BMP8B: variants seen among roughly 807,000 people sequenced by gnomAD.
BMP8B encodes the protein bone morphogenetic protein 8 (osteogenic protein 2).
Under a neutral mutation model 30.3 loss-of-function variants are expected in BMP8B, and 17 were observed. The observed-to-expected ratio is 0.56, with a 90% CI of 0.38 to 0.84. BMP8B has a LOEUF of 0.84. BMP8B is among the 40% of genes least tolerant of loss of function. The probability of loss-of-function intolerance (pLI) is 0.00; values close to 1 mark genes in which losing one functional copy is unlikely to be tolerated. For synonymous variants in BMP8B, 131 were observed against 214.7 expected (o/e 0.61, Z 3.41); for missense variants, 253 against 494.6 (o/e 0.51, Z 4.63).
At chr1:39,775,661 C>T (rs1484046805) in intron 1 of BMP8B, among the ~76,000 whole-genome samples, 2 of 152,202 alleles carry the variant, frequency 1.3e-5, no homozygotes, top group East Asian at 1.9e-4. Context: ...AGGGCCAGAG[C>T]AGAGGGGTCT....
Position 39,760,944 on chromosome 1 carries a change from T to G in BMP8B, c.1060-376A>C, listed in dbSNP as rs570698837. ...CAAGGGGGAGCCTGGAAGGACCACT[T>G]TCTTCTTTTGGCCCTTCGGACCCCC... On this transcript the variant is annotated intron_variant, in intron 6 of 6. Coordinates refer to ENST00000372827, the MANE Select transcript of BMP8B (RefSeq NM_001720.5). Among the ~76,000 whole-genome samples the G allele has an allele frequency of 8.0e-4, 122 of 152,078 alleles. 1 individual carries two copies. The highest frequency in any genetic ancestry group is 3.5e-3 in the South Asian group (17 of 4,824).
rs1648730075 is a variant in BMP8B, at chr1:39,760,086, T to G, written c.*333A>C. 1 of 330,284 alleles carries G rather than the reference T, an allele frequency of 3.0e-6. No homozygotes were observed. The highest frequency in any genetic ancestry group is 5.7e-6 in the Non-Finnish European group (1 of 174,502). 20.5% of individuals were successfully genotyped at this position (330,284 alleles called of 1,614,324 possible). A position where few individuals can be genotyped will look rare whatever the true frequency, so the allele number is the denominator to read the frequency against. Reference sequence around the variant, plus strand: ...ACATCTATCTCACGACCTGAGCCAGTAAGGGGCATGGATAGGACCTCAGAC... The same window carrying G: ...ACATCTATCTCACGACCTGAGCCAGGAAGGGGCATGGATAGGACCTCAGAC... On this transcript the variant is annotated 3_prime_UTR_variant, in exon 7 of 7. Coordinates refer to ENST00000372827, the MANE Select transcript of BMP8B (RefSeq NM_001720.5).
chr1:39,779,615 CT>C (rs1298236138), intron 1 of BMP8B, among the ~76,000 whole-genome samples: 1 of 152,154 alleles, frequency 6.6e-6, no homozygotes, highest in Non-Finnish European at 1.5e-5. Context: ...GAAAACTTTC[CT>C]TGAAAACATA....
Position 39,763,738 on chromosome 1 carries a change from C to G in BMP8B, c.922G>C (p.Val308Leu), listed in dbSNP as rs150985572. ...RQVCRRHELY[V>L]SFQDLGWLDW... ...AGCCAGCCGAGGTCCTGGAAGCTGA[C>G]GTAGAGCTCGTGCCGACGGCAGACC... Residue 308 changes from valine to leucine, a missense_variant, in exon 5 of 7, where the codon GTC becomes CTC. Physicochemically the swap from Val to Leu is conservative, Grantham distance 32. Coordinates refer to ENST00000372827, the MANE Select transcript of BMP8B (RefSeq NM_001720.5). 2.6e-5 allele frequency: 42 copies of G among 1,603,188 alleles called. 5 individuals carry two copies. In the African/African-American group the frequency reaches 5.7e-4, roughly 22 times the overall value.
At chr1:39,787,078 C>A (rs779352703) in intron 1 of BMP8B, among the ~76,000 whole-genome samples, 1 of 152,256 alleles carries the variant, frequency 6.6e-6, no homozygotes, top group Non-Finnish European at 1.5e-5. Flanking sequence ...TGTCCTGGCT[C>A]AGCAGCGTAG....
chr1:39,762,839 G>T (rs1649186813), intron 6 of BMP8B, among the ~76,000 whole-genome samples: 1 of 152,266 alleles, frequency 6.6e-6, no homozygotes, highest in South Asian at 2.1e-4. Context: ...AGTTTGTTCG[G>T]TGCATAGAAC....
intron 1 of BMP8B, among the ~76,000 whole-genome samples, chr1:39,785,860 CTG>C (rs1175551811): frequency 6.6e-5 from 10 of 152,228 alleles, no homozygotes; most frequent in African/African-American, 2.4e-4. Flanking sequence ...GCTACTCTAA[CTG>C]AGAGAGTTCT....
At chr1:39,768,134 C>G (rs1649729623) in intron 3 of BMP8B, among the ~76,000 whole-genome samples, 1 of 151,416 alleles carries the variant, frequency 6.6e-6, no homozygotes, top group Non-Finnish European at 1.5e-5. Flanking sequence ...ACTATAGATT[C>G]AGGAGGAAAT....
At chr1:39,776,325 G>A (rs751391138) in intron 1 of BMP8B, among the ~76,000 whole-genome samples, 4 of 152,094 alleles carry the variant, frequency 2.6e-5, no homozygotes, top group Non-Finnish European at 5.9e-5. Context: ...CCTCCCATCC[G>A]TTTCAAACTC....
At chr1:39,778,354 G>A (rs1170362613) in intron 1 of BMP8B, among the ~76,000 whole-genome samples, 1 of 151,710 alleles carries the variant, frequency 6.6e-6, no homozygotes, top group Non-Finnish European at 1.5e-5. Context: ...TGCATGGGCT[G>A]GGCCTGCCTG....
chr1:39,776,287 C>T (rs1569839287), intron 1 of BMP8B, among the ~76,000 whole-genome samples: 1 of 151,464 alleles, frequency 6.6e-6, no homozygotes, highest in African/African-American at 2.5e-5. Context: ...ATACCCAGGA[C>T]GCTATATTTA....
intron 3 of BMP8B, chr1:39,771,180 G>A (rs1649951492): frequency 2.6e-6 from 4 of 1,545,914 alleles, no homozygotes; most frequent in Non-Finnish European, 1.7e-6. Flanking sequence ...GCGCAGCCCT[G>A]GGACAGCGCG....
chr1:39,783,479 T>C (rs1650786823), intron 1 of BMP8B, among the ~76,000 whole-genome samples: 1 of 152,222 alleles, frequency 6.6e-6, no homozygotes, highest in Non-Finnish European at 1.5e-5. Context: ...CCTTCAATTA[T>C]TGCAAGGACA....
chr1:39,776,735 T>A (rs1340303110), intron 1 of BMP8B, among the ~76,000 whole-genome samples: 1 of 152,246 alleles, frequency 6.6e-6, no homozygotes, highest in Non-Finnish European at 1.5e-5. Flanking sequence ...TGAATTAAGT[T>A]TTTCTAAATA....
In BMP8B at chr1:39,774,417, TC is replaced by T. The variant is rs1404091756; in HGVS notation, c.563del (p.Arg188GlnfsTer21). 1 of 290,138 alleles carries T rather than the reference TC, an allele frequency of 3.4e-6. No individual in the cohort carries two copies. Among genetic ancestry groups the T allele is most frequent in the East Asian group, 6.3e-5 (1 of 15,932 alleles). 18.0% of individuals were successfully genotyped at this position (290,138 alleles called of 1,614,324 possible). A position where few individuals can be genotyped will look rare whatever the true frequency, so the allele number is the denominator to read the frequency against. On this transcript the variant is annotated frameshift_variant, in exon 3 of 7. Transcript: ENST00000372827. LOFTEE classifies it high-confidence loss of function. ...GCACCAGCCAGCCCTCGTCTCCAGC[TC>T]GGAGCGTCTGAAGATCCAAAAAGAA... is the stretch of plus-strand genomic sequence containing the variant. ...DLFFLDLQTL[R>X]AGDEGWLVLD...
At chr1:39,776,384 T>C (rs781244563) in intron 1 of BMP8B, among the ~76,000 whole-genome samples, 55 of 152,206 alleles carry the variant, frequency 3.6e-4, no homozygotes, top group Non-Finnish European at 3.7e-4. Flanking sequence ...CCCAGTGCCT[T>C]CCCCAAAACC....
intron 1 of BMP8B, among the ~76,000 whole-genome samples, chr1:39,785,495 CA>C (rs1312835294): frequency 1.3e-5 from 2 of 152,226 alleles, no homozygotes; most frequent in Non-Finnish European, 2.9e-5. Flanking sequence ...AGACCTGAGC[CA>C]TGGTGGGAGG....
intron 1 of BMP8B, among the ~76,000 whole-genome samples, chr1:39,779,070 T>G (rs1374469744): frequency 2.0e-5 from 3 of 152,182 alleles, no homozygotes; most frequent in Admixed American, 2.0e-4. Context: ...TGTTCACACT[T>G]GGGGCCAGTG....
chr1:39,779,313 G>A (rs1355503191), intron 1 of BMP8B, among the ~76,000 whole-genome samples: 2 of 152,112 alleles, frequency 1.3e-5, no homozygotes, highest in Non-Finnish European at 1.5e-5. Context: ...ACCAGACCCA[G>A]GCTCCTCCCT....
Sources: allele counts gnomAD v4.1 joint callset (sites outside exome capture counted in the v4.1 genomes callset), GRCh38; gene constraint gnomAD v4.1.1; transcripts MANE v1.5; gene names NCBI Gene and HGNC (gene_info 2026-07-23, HGNC 2026-07-21).